TBC1D32: variants seen among roughly 807,000 people sequenced by gnomAD.
TBC1D32 encodes the protein TBC1 domain family member 32.
Under a neutral mutation model 170.3 loss-of-function variants are expected in TBC1D32, and 151 were observed. The observed-to-expected ratio is 0.89, with a 90% confidence interval of 0.78 to 1.01. The LOEUF (loss-of-function observed/expected upper bound fraction) is 1.01. TBC1D32 is among the 50% of genes least tolerant of loss of function. TBC1D32 has a pLI of 0.00. For synonymous variants in TBC1D32, 498 were observed against 488.0 expected, an observed-to-expected ratio of 1.02 and a Z score of -0.27; for missense variants, 1,464 against 1,457.1, an observed-to-expected ratio of 1.00 and a Z score of -0.08.
rs1216467731 is a variant in TBC1D32 at position 121,246,317 on chromosome 6, G to A, written c.2019-3978C>T. Among the ~76,000 whole-genome samples, 7 of 151,866 alleles carry A rather than the reference G, an allele frequency of 4.6e-5. No homozygotes were observed. In the East Asian group the frequency reaches 1.2e-3, roughly 25 times the overall value. Reference sequence around the variant, plus strand: ...CACCGACTCTTCAACCTAAAAGCACGAAGAATTAAATTAGGCTAAAATGAA... The same window carrying A: ...CACCGACTCTTCAACCTAAAAGCACAAAGAATTAAATTAGGCTAAAATGAA... On this transcript the variant is annotated intron_variant, in intron 17 of 31. Coordinates refer to ENST00000398212, the MANE Select transcript of TBC1D32 (RefSeq NM_152730.6).
rs539857029 is a variant in TBC1D32 at position 121,324,885 on chromosome 6, C to T, written c.156-3091G>A. On this transcript the variant is annotated intron_variant, in intron 1 of 31. Transcript: ENST00000398212. ...TACACACAGTTGGCTCTGAAACAGA[C>T]TTGGCAGATGTGCACGATGAGGTAA... 5.2e-4 allele frequency among the ~76,000 whole-genome samples: 79 copies of T among 152,256 alleles called. 1 individual carries two copies. Among genetic ancestry groups the T allele is most frequent in the Non-Finnish European group, 9.4e-4 (64 of 67,998 alleles).
intron 17 of TBC1D32, among the ~76,000 whole-genome samples, chr6:121,254,034 T>A (rs1048417882): frequency 3.3e-5 from 5 of 151,888 alleles, no homozygotes; most frequent in African/African-American, 1.2e-4. Context: ...GGTACATATA[T>A]GCCATGGAAT....
Position 121,267,551 on chromosome 6 carries a change from T to G in TBC1D32, c.1734-11266A>C, listed in dbSNP as rs544573131. Among the ~76,000 whole-genome samples the G allele has an allele frequency of 9.9e-5, 15 of 152,168 alleles. No individual in the cohort carries two copies. In the East Asian group the frequency reaches 2.5e-3, roughly 26 times the overall value. ...AGCAGTCTGAGATCAAACTGCAAGG[T>G]GACAGCAAGGCTGGGGGAGGGGCAT... is the stretch of plus-strand genomic sequence containing the variant. On this transcript the variant is annotated intron_variant, in intron 15 of 31. Transcript: ENST00000398212.
chr6:121,220,791 C>A (rs1283115716), intron 21 of TBC1D32, among the ~76,000 whole-genome samples: 1 of 151,846 alleles, frequency 6.6e-6, no homozygotes, highest in Non-Finnish European at 1.5e-5. Context: ...CAGACATGCG[C>A]CACCACGTCC....
intron 15 of TBC1D32, among the ~76,000 whole-genome samples, chr6:121,261,234 G>A (rs139606998): frequency 3.1e-3 from 471 of 152,266 alleles, no homozygotes; most frequent in African/African-American, 9.8e-3. Context: ...TGGGCAGACC[G>A]GAAGAGTTGG....
intron 2 of TBC1D32, among the ~76,000 whole-genome samples, 199 bp downstream of exon 2, chr6:121,321,434 G>C (rs1809686371): frequency 6.6e-6 from 1 of 152,134 alleles, no homozygotes; most frequent in African/African-American, 2.4e-5. Context: ...ACTACAAAAA[G>C]AATTCTGGGT....
At chr6:121,088,935 T>C (rs1368880033) in intron 31 of TBC1D32, among the ~76,000 whole-genome samples, 1 of 152,180 alleles carries the variant, frequency 6.6e-6, no homozygotes, top group East Asian at 1.9e-4. Context: ...TTTGGGAACA[T>C]TTAAAGAGGT....
intron 24 of TBC1D32, 100 bp downstream of exon 24, chr6:121,159,910 G>T: frequency 1.3e-6 from 1 of 794,520 alleles, no homozygotes. Context: ...ATGTATACAT[G>T]CTAAATGCAG....
At chr6:121,185,974 C>A (rs1015184228) in intron 22 of TBC1D32, among the ~76,000 whole-genome samples, 1 of 151,996 alleles carries the variant, frequency 6.6e-6, no homozygotes, top group Non-Finnish European at 1.5e-5. Flanking sequence ...GAACTAGAAA[C>A]CAATGTATGA....
intron 21 of TBC1D32, among the ~76,000 whole-genome samples, chr6:121,219,210 G>A (rs1183574592): frequency 6.6e-6 from 1 of 152,008 alleles, no homozygotes; most frequent in Non-Finnish European, 1.5e-5. Flanking sequence ...AGGGTGGAGG[G>A]GAAGAAAGCA....
chr6:121,160,101 A>G lies in TBC1D32; in HGVS notation c.2682T>C (p.Ser894=). Residue 894 remains serine (S), a splice_region_variant and synonymous_variant, in exon 24 of 32, where the codon AGT becomes AGC. Transcript: ENST00000398212. ...ACATTGGCCAAGGATATGGATTATC[A>G]CTCTAAAAAAGAAGCAAGACAGATG... ...RILPPRLLEK[S]DNPYPWPMFS... 6.3e-7 allele frequency: 1 copy of G among 1,588,300 alleles called. No individual in the cohort carries two copies. The highest frequency in any genetic ancestry group is 2.2e-5 in the East Asian group (1 of 44,592).
intron 31 of TBC1D32, among the ~76,000 whole-genome samples, chr6:121,082,000 TA>T (rs1775691215): frequency 6.6e-6 from 1 of 152,094 alleles, no homozygotes; most frequent in Non-Finnish European, 1.5e-5. Flanking sequence ...ATATACTTAA[TA>T]CCATTAAGGC....
At chr6:121,191,615 T>C (rs1010515348) in intron 22 of TBC1D32, among the ~76,000 whole-genome samples, 1 of 149,164 alleles carries the variant, frequency 6.7e-6, no homozygotes, top group African/African-American at 2.6e-5. Flanking sequence ...TTTTAGAAAA[T>C]GTTCTGGATT....
chr6:121,140,150 A>T (rs1167742789), intron 24 of TBC1D32, among the ~76,000 whole-genome samples: 1 of 152,036 alleles, frequency 6.6e-6, no homozygotes, highest in Non-Finnish European at 1.5e-5. Flanking sequence ...AGGACATTTG[A>T]CTCATACATA....
At chr6:121,260,274 A>G (rs1474351446) in intron 15 of TBC1D32, among the ~76,000 whole-genome samples, 1 of 152,232 alleles carries the variant, frequency 6.6e-6, no homozygotes, top group Non-Finnish European at 1.5e-5. Flanking sequence ...AAAGCAATTT[A>G]GAAGGAAAAA....
At chr6:121,281,308 T>G (rs1802943937) in intron 14 of TBC1D32, among the ~76,000 whole-genome samples, 1 of 145,600 alleles carries the variant, frequency 6.9e-6, no homozygotes, top group African/African-American at 2.4e-5. Context: ...GCAGATCTAG[T>G]CCAATTAAAA....
chr6:121,110,494 G>A (rs1779097879), intron 29 of TBC1D32, among the ~76,000 whole-genome samples: 1 of 151,876 alleles, frequency 6.6e-6, no homozygotes, highest in South Asian at 2.1e-4. Flanking sequence ...TAGAATTGAG[G>A]AAATAGGTTG....
intron 15 of TBC1D32, among the ~76,000 whole-genome samples, chr6:121,257,818 G>T (rs1799245509): frequency 6.6e-6 from 1 of 151,892 alleles, no homozygotes; most frequent in Admixed American, 6.6e-5. Context: ...GGCCCCTTCT[G>T]GTTGGCTCTG....
intron 22 of TBC1D32, among the ~76,000 whole-genome samples, chr6:121,173,137 A>G (rs1288938964): frequency 6.6e-6 from 1 of 152,170 alleles, no homozygotes; most frequent in Non-Finnish European, 1.5e-5. Flanking sequence ...GGCACAATCT[A>G]ATCAGCTACC....
Sources: gnomAD v4.1 joint callset for allele counts (sites outside exome capture counted in the v4.1 genomes callset) on GRCh38, gnomAD v4.1.1 for gene constraint, MANE v1.5 for transcripts, NCBI Gene and HGNC (gene_info 2026-07-23, HGNC 2026-07-21) for gene names.